PAPPA2: variants seen among roughly 807,000 people sequenced by gnomAD.
The protein encoded by PAPPA2 is pappalysin 2.
A neutral mutation model predicts 176.4 loss-of-function variants in PAPPA2; 86 were observed. That is an observed-to-expected ratio of 0.49 (90% CI 0.41 to 0.58). The LOEUF (loss-of-function observed/expected upper bound fraction) is 0.58. Among genes scored for constraint, PAPPA2 ranks in the 20% least tolerant of loss-of-function variants. The pLI is 0.00. For missense variants in PAPPA2, 2,073 were observed against 2,256.9 expected, an observed-to-expected ratio of 0.92 and a Z score of 1.65; for synonymous variants, 809 against 852.2, an observed-to-expected ratio of 0.95 and a Z score of 0.88.
At chr1:176,793,452 C>A in intron 19 of PAPPA2, 108 bp from the exon 20 acceptor site, 1 of 878,352 alleles carries the variant, frequency 1.1e-6, no homozygotes, top group South Asian at 1.4e-5. Context: ...TATGGTGACC[C>A]ATGATGAAAG....
chr1:176,666,144 CTG>C (rs1214903542), intron 3 of PAPPA2, among the ~76,000 whole-genome samples: 1 of 152,136 alleles, frequency 6.6e-6, no homozygotes, highest in Non-Finnish European at 1.5e-5. Context: ...ACAATGGAGA[CTG>C]AGAATCGTTG....
chr1:176,748,747 CATT>C (rs1663031972), intron 14 of PAPPA2, among the ~76,000 whole-genome samples: 2 of 152,116 alleles, frequency 1.3e-5, no homozygotes, highest in African/African-American at 4.8e-5. Flanking sequence ...ACAAACACAT[CATT>C]GTGTTATAAT....
At chr1:176,826,458 G>A in intron 21 of PAPPA2, among the ~76,000 whole-genome samples, 1 of 152,180 alleles carries the variant, frequency 6.6e-6, no homozygotes, top group East Asian at 1.9e-4. Flanking sequence ...ATGTAAACAA[G>A]ACACTCGCAC....
intron 1 of PAPPA2, among the ~76,000 whole-genome samples, chr1:176,492,555 G>C (rs552071127): frequency 1.3e-5 from 2 of 152,242 alleles, no homozygotes; most frequent in African/African-American, 4.8e-5. Flanking sequence ...TTGTTTCTAA[G>C]CCCAACTTAT....
intron 21 of PAPPA2, among the ~76,000 whole-genome samples, chr1:176,810,135 G>A (rs540272680): frequency 4.9e-4 from 74 of 152,028 alleles, no homozygotes; most frequent in Non-Finnish European, 8.4e-4. Context: ...CAGTGCAGAC[G>A]CCCCACATTC....
chr1:176,796,694 TTC>T (rs1353004737), intron 20 of PAPPA2, among the ~76,000 whole-genome samples: 1 of 151,564 alleles, frequency 6.6e-6, no homozygotes, highest in East Asian at 1.9e-4. Context: ...TTTCTTTTCT[TTC>T]TCTCTTTCTT....
intron 2 of PAPPA2, among the ~76,000 whole-genome samples, chr1:176,583,722 C>T (rs912877607): frequency 3.5e-4 from 53 of 152,238 alleles, no homozygotes; most frequent in African/African-American, 1.2e-3. Context: ...TACAGGATTA[C>T]AGGCATGAGC....
intron 1 of PAPPA2, among the ~76,000 whole-genome samples, chr1:176,543,595 C>T (rs1357548212): frequency 6.6e-6 from 1 of 152,090 alleles, no homozygotes; most frequent in East Asian, 1.9e-4. Context: ...CCAAGACTTT[C>T]AGAACCTCAC....
At chr1:176,666,588 TG>T (rs1658657885) in intron 3 of PAPPA2, among the ~76,000 whole-genome samples, 1 of 149,098 alleles carries the variant, frequency 6.7e-6, no homozygotes, top group African/African-American at 2.5e-5. Flanking sequence ...TGTGTGTGTG[TG>T]TGTGTGTGTG....
At chr1:176,784,176 T>C (rs1664832220) in intron 17 of PAPPA2, among the ~76,000 whole-genome samples, 1 of 152,218 alleles carries the variant, frequency 6.6e-6, no homozygotes, top group Non-Finnish European at 1.5e-5. Flanking sequence ...GCATGGGCTA[T>C]CAAAGATGTT....
At chr1:176,503,978 C>T (rs527906201) in intron 1 of PAPPA2, among the ~76,000 whole-genome samples, 36 of 152,220 alleles carry the variant, frequency 2.4e-4, no homozygotes, top group African/African-American at 8.2e-4. Context: ...AATGTCAGGA[C>T]ATAAGGAAGT....
intron 17 of PAPPA2, among the ~76,000 whole-genome samples, chr1:176,775,417 A>G (rs1257222326): frequency 6.6e-6 from 1 of 152,204 alleles, no homozygotes; most frequent in East Asian, 1.9e-4. Context: ...CTTTAAACAT[A>G]TATAAGTAAT....
intron 1 of PAPPA2, among the ~76,000 whole-genome samples, chr1:176,523,010 C>T (rs1275389083): frequency 6.6e-6 from 1 of 152,054 alleles, no homozygotes; most frequent in East Asian, 1.9e-4. Flanking sequence ...GGCAAGGTTT[C>T]CCCTGATACA....
intron 1 of PAPPA2, among the ~76,000 whole-genome samples, chr1:176,520,504 T>A (rs1481804417): frequency 6.6e-6 from 1 of 152,322 alleles, no homozygotes; most frequent in Middle Eastern, 3.4e-3. Context: ...ACATTGAAGA[T>A]CCTGTCATCT....
chr1:176,657,189 C>T (rs573093544), intron 3 of PAPPA2, among the ~76,000 whole-genome samples: 32 of 152,034 alleles, frequency 2.1e-4, no homozygotes, highest in Middle Eastern at 3.4e-3. Flanking sequence ...TTAGGAAAGC[C>T]TTCCCAGAAT....
intron 3 of PAPPA2, among the ~76,000 whole-genome samples, chr1:176,630,144 C>T (rs1656263050): frequency 6.6e-6 from 1 of 152,044 alleles, no homozygotes; most frequent in Non-Finnish European, 1.5e-5. Context: ...GAGGGAGGGT[C>T]CTTTCTTCAA....
chr1:176,761,063 C>T (rs549729788), intron 14 of PAPPA2, among the ~76,000 whole-genome samples: 12 of 152,132 alleles, frequency 7.9e-5, no homozygotes, highest in East Asian at 5.8e-4. Context: ...CCTCGTGATC[C>T]GCCCGCCTCG....
chr1:176,814,364 T>C (rs1297738097), intron 21 of PAPPA2, among the ~76,000 whole-genome samples: 1 of 152,228 alleles, frequency 6.6e-6, no homozygotes, highest in South Asian at 2.1e-4. Flanking sequence ...AATCTATGAA[T>C]TACGTTGGAC....
chr1:176,552,834 T>G (rs1651044242), intron 1 of PAPPA2, among the ~76,000 whole-genome samples: 1 of 151,368 alleles, frequency 6.6e-6, no homozygotes, highest in Non-Finnish European at 1.5e-5. Context: ...TGCTTTGGAG[T>G]GAAAAAAAGG....
Sources: allele counts gnomAD v4.1 joint callset (sites outside exome capture counted in the v4.1 genomes callset), GRCh38; gene constraint gnomAD v4.1.1; transcripts MANE v1.5; gene names NCBI Gene and HGNC (gene_info 2026-07-23, HGNC 2026-07-21).